ULK2: variants seen among roughly 807,000 people sequenced by gnomAD.
ULK2 encodes serine/threonine-protein kinase ULK2.
Under a neutral mutation model 127.5 loss-of-function variants are expected in ULK2, and 76 were observed. The ratio of observed to expected loss-of-function variants is 0.60; its 90% CI spans 0.50 to 0.72. The LOEUF (loss-of-function observed/expected upper bound fraction) is 0.72, where lower values mean the gene tolerates loss of function less well. Ranked by LOEUF, ULK2 falls within the 30% of genes least tolerant of loss-of-function variation. The pLI is 0.00. For synonymous variants in ULK2, 452 were observed against 461.9 expected (o/e 0.98, Z 0.28); for missense variants, 1,144 against 1,295.9 (o/e 0.88, Z 1.80).
At chr17:19,845,511 C>T (rs1009382952) in intron 6 of ULK2, 134 bp from the exon 7 acceptor site, 12 of 612,162 alleles carry the variant, frequency 2.0e-5, no homozygotes, top group Non-Finnish European at 3.4e-5. Context: ...TTAGACTGTC[C>T]ACCAAAAAAA....
At chr17:19,817,114 A>G (rs1567698707) in intron 12 of ULK2, among the ~76,000 whole-genome samples, 194 bp from the exon 13 acceptor site, 1 of 152,180 alleles carries the variant, frequency 6.6e-6, no homozygotes, top group Non-Finnish European at 1.5e-5. Flanking sequence ...TTGCATAAAG[A>G]CTTCTGAAAT....
intron 3 of ULK2, among the ~76,000 whole-genome samples, chr17:19,859,272 G>C (rs1157447870): frequency 6.6e-6 from 1 of 151,396 alleles, no homozygotes; most frequent in Non-Finnish European, 1.5e-5. Context: ...CCAGCACTTT[G>C]GGAGGCTGAG....
rs1193155304 is a variant in ULK2, at chr17:19,771,627, G to C, written c.*4722C>G. The C allele has an allele frequency of 6.6e-6, 1 of 152,246 alleles. No homozygotes were observed. The highest frequency in any genetic ancestry group is 1.5e-5 in the Non-Finnish European group (1 of 68,062). The allele number at this position is 152,246 out of a possible 1,614,324, so 9.4% of individuals were successfully genotyped here. A position where few individuals can be genotyped will look rare whatever the true frequency, so the allele number is the denominator to read the frequency against. On this transcript the variant is annotated 3_prime_UTR_variant, in exon 27 of 27. Coordinates refer to ENST00000395544, the MANE Select transcript of ULK2 (RefSeq NM_014683.4). ...TTCCACGTGCCAGGGGCTGGGCAAA[G>C]AATTTCATATTCATTAACTTATTTC...
In ULK2 at chr17:19,804,777, G is replaced by C. The variant is rs747961729; in HGVS notation, c.1211C>G (p.Pro404Arg). 1.2e-6 allele frequency: 2 copies of C among 1,612,920 alleles called. No homozygotes were observed. Among genetic ancestry groups the C allele is most frequent in the Non-Finnish European group, 1.7e-6 (2 of 1,179,334 alleles). The change falls in exon 15 of 27, where the codon CCT becomes CGT. Residue 404 changes from proline to arginine, a missense_variant. By Grantham distance (103) the Pro-to-Arg change is moderately radical. This residue lies in a region of ULK2 where 913 missense variants were observed against 970.5 expected (regional missense o/e 0.94). Coordinates refer to ENST00000395544, the MANE Select transcript of ULK2 (RefSeq NM_014683.4). ...GCGCTGATAATTCCTTATTTGAGTA[G>C]GAACTGGAATTGGTGCTGTTTCGCT... is the stretch of plus-strand genomic sequence containing the variant. ...PHSETAPIPV[P>R]TQIRNYQRIE...
chr17:19,791,928 G>C (rs1412456620), intron 20 of ULK2, among the ~76,000 whole-genome samples: 1 of 150,780 alleles, frequency 6.6e-6, no homozygotes, highest in African/African-American at 2.4e-5. Flanking sequence ...ATTAATAAGA[G>C]GTATTTTGGA....
chr17:19,814,364 T>C (rs2040914208), intron 13 of ULK2, among the ~76,000 whole-genome samples: 1 of 147,750 alleles, frequency 6.8e-6, no homozygotes, highest in African/African-American at 2.5e-5. Flanking sequence ...AGTTTTTAGT[T>C]AGAAGAAATT....
In ULK2 at chr17:19,775,805, T is replaced by A. The variant is rs926392640; in HGVS notation, c.*544A>T. 6.5e-6 allele frequency: 1 copy of A among 152,748 alleles called. No homozygotes were observed. Among genetic ancestry groups the A allele is most frequent in the Admixed American group, 6.5e-5 (1 of 15,286 alleles). The allele number at this position is 152,748 out of a possible 1,614,324, so 9.5% of individuals were successfully genotyped here. On this transcript the variant is annotated 3_prime_UTR_variant, in exon 27 of 27. Coordinates refer to ENST00000395544, the MANE Select transcript of ULK2 (RefSeq NM_014683.4). ...AACATGTATCCATATTAGGATCAAA[T>A]TGAAGATTTCAAAATTTCTTCCAAG...
intron 13 of ULK2, among the ~76,000 whole-genome samples, chr17:19,815,788 G>A (rs2040974016): frequency 6.6e-6 from 1 of 151,918 alleles, no homozygotes; most frequent in South Asian, 2.1e-4. Context: ...ACACCAACAT[G>A]GCACATGTAT....
In ULK2 at chr17:19,774,365, T is replaced by A. The variant is rs558220768; in HGVS notation, c.*1984A>T. On this transcript the variant is annotated 3_prime_UTR_variant, in exon 27 of 27. Coordinates refer to ENST00000395544, the MANE Select transcript of ULK2 (RefSeq NM_014683.4). ...GAATTAACTTGAAAGTCACAAAGCA[T>A]GGCTTGACCACTTGCCTAGTTCCTG... 2.0e-5 allele frequency: 3 copies of A among 152,406 alleles called. No individual in the cohort carries two copies. The South Asian group carries it at 6.2e-4, about 32-fold the overall frequency. 9.4% of individuals were successfully genotyped at this position (152,406 alleles called of 1,614,324 possible). A position where few individuals can be genotyped will look rare whatever the true frequency, so the allele number is the denominator to read the frequency against.
intron 20 of ULK2, among the ~76,000 whole-genome samples, chr17:19,794,138 T>C (rs975719759): frequency 6.6e-6 from 1 of 152,014 alleles, no homozygotes; most frequent in Non-Finnish European, 1.5e-5. Context: ...ATTGAAGATA[T>C]GTGAATATCT....
At chr17:19,779,207 AG>A (rs1177720845) in intron 25 of ULK2, among the ~76,000 whole-genome samples, 1 of 152,212 alleles carries the variant, frequency 6.6e-6, no homozygotes, top group Non-Finnish European at 1.5e-5. Context: ...GAAAATGGAA[AG>A]GGGGATCTAT....
At chr17:19,828,969 G>T (rs2041362216) in intron 10 of ULK2, among the ~76,000 whole-genome samples, 1 of 152,144 alleles carries the variant, frequency 6.6e-6, no homozygotes, top group Admixed American at 6.5e-5. Context: ...GGTCCCAGCT[G>T]AAGTGAGAGG....
chr17:19,808,985 C>G (rs976627838), intron 14 of ULK2, among the ~76,000 whole-genome samples: 4 of 152,190 alleles, frequency 2.6e-5, no homozygotes, highest in African/African-American at 9.7e-5. Context: ...ATGTTTATAA[C>G]AGCATGCACA....
In ULK2 at chr17:19,777,620, T is replaced by C; in HGVS notation, c.3013A>G (p.Ile1005Val). ...AALLLEGLSR[I>V]LQDPADIENV... is the part of the protein sequence containing the mutation. ...TCAATATCTGCAGGGTCCTGTAGAA[T>C]CCTACTTAGGCCTTCCAAAAGAAGG... The change falls in exon 26 of 27, where the codon ATT becomes GTT. Residue 1005 changes from isoleucine (I) to valine (V), a missense_variant. Physicochemically the swap from Ile to Val is conservative, Grantham distance 29. This residue lies in a region of ULK2 where 913 missense variants were observed against 970.5 expected (regional missense o/e 0.94). Transcript: ENST00000395544. The C allele has an allele frequency of 1.9e-6, 3 of 1,613,838 alleles. No homozygotes were observed. The highest frequency in any genetic ancestry group is 2.5e-6 in the Non-Finnish European group (3 of 1,179,966).
Position 19,786,071 on chromosome 17 carries a change from C to G in ULK2, c.2117G>C (p.Cys706Ser). Residue 706 changes from cysteine (C) to serine (S), a missense_variant, in exon 21 of 27, where the codon TGT (cysteine) becomes TCT (serine). Cys to Ser is a moderately radical substitution (Grantham distance 112, BLOSUM62 -1). Around this residue, in one of 2 missense-constraint regions of ULK2, gnomAD observed 913 missense variants for 970.5 expected, o/e 0.94. Coordinates refer to ENST00000395544, the MANE Select transcript of ULK2 (RefSeq NM_014683.4). ...TGCAGGAGGTGCCAGAACACCACCA[C>G]AGGCTCCTGCCGGAGCTACAACAAA... Reference protein sequence around the residue: ...RPMDIAPAGACGGVLAPPAGT... With the variant: ...RPMDIAPAGASGGVLAPPAGT... The G allele has an allele frequency of 6.4e-7, 1 of 1,563,230 alleles. No homozygotes were observed. The highest frequency in any genetic ancestry group is 8.6e-7 in the Non-Finnish European group (1 of 1,162,156).
chr17:19,830,045 G>A (rs1358805243), intron 10 of ULK2, among the ~76,000 whole-genome samples: 1 of 152,022 alleles, frequency 6.6e-6, no homozygotes, highest in Non-Finnish European at 1.5e-5. Flanking sequence ...CATCAATAAG[G>A]AAAGGGAGGC....
At chr17:19,802,093 T>G (rs1309181831) in intron 15 of ULK2, among the ~76,000 whole-genome samples, 171 bp from the exon 16 acceptor site, 1 of 152,254 alleles carries the variant, frequency 6.6e-6, no homozygotes, top group African/African-American at 2.4e-5. Flanking sequence ...CTCTCATTTT[T>G]CTATTCTATC....
chr17:19,803,066 G>C (rs1484935733), intron 15 of ULK2, among the ~76,000 whole-genome samples: 6 of 152,116 alleles, frequency 3.9e-5, no homozygotes, highest in African/African-American at 1.4e-4. Flanking sequence ...AAAAGCTCAA[G>C]TTTTATCATC....
At chr17:19,858,114 A>G (rs1283337526) in intron 3 of ULK2, among the ~76,000 whole-genome samples, 1 of 151,996 alleles carries the variant, frequency 6.6e-6, no homozygotes, top group Non-Finnish European at 1.5e-5. Context: ...AATAGTAACT[A>G]TTGGCCCGGG....
Sources: allele counts gnomAD v4.1 joint callset (sites outside exome capture counted in the v4.1 genomes callset), GRCh38; gene constraint gnomAD v4.1.1; regional missense constraint gnomAD v4.1.1; transcripts MANE v1.5; gene names NCBI Gene and HGNC (gene_info 2026-07-23, HGNC 2026-07-21).